CHD7: variants seen among roughly 807,000 people sequenced by gnomAD.
CHD7 encodes chromodomain helicase DNA binding protein 7.
Under a neutral mutation model 307.3 loss-of-function variants are expected in CHD7, and 24 were observed. The ratio of observed to expected loss-of-function variants is 0.08; its 90% CI spans 0.06 to 0.11. The LOEUF (loss-of-function observed/expected upper bound fraction) is 0.11. Ranked by LOEUF, CHD7 falls within the 10% of genes least tolerant of loss-of-function variation. CHD7 has a pLI of 1.00. For missense variants in CHD7, 3,106 were observed against 3,727.1 expected, an observed-to-expected ratio of 0.83 and a Z score of 4.34; for synonymous variants, 1,363 against 1,349.9, an observed-to-expected ratio of 1.01 and a Z score of -0.21.
chr8:60,680,441 G>T (rs1198105574), intron 1 of CHD7, among the ~76,000 whole-genome samples: 1 of 143,710 alleles, frequency 7.0e-6, no homozygotes, highest in Non-Finnish European at 1.5e-5. Context: ...GCTCCCGGGC[G>T]GGGGTGGGGG....
chr8:60,739,599 A>C (rs560478409), intron 1 of CHD7, among the ~76,000 whole-genome samples: 1 of 152,270 alleles, frequency 6.6e-6, no homozygotes, highest in South Asian at 2.1e-4. Flanking sequence ...GAGTGAAGAG[A>C]CCTTTGACTT....
At chr8:60,685,363 T>C (rs1805830455) in intron 1 of CHD7, among the ~76,000 whole-genome samples, 1 of 152,228 alleles carries the variant, frequency 6.6e-6, no homozygotes, top group African/African-American at 2.4e-5. Context: ...GCCTGATACA[T>C]AGCACTTTGT....
chr8:60,764,619 C>T (rs1035664568), intron 2 of CHD7, among the ~76,000 whole-genome samples: 1 of 152,198 alleles, frequency 6.6e-6, no homozygotes, highest in African/African-American at 2.4e-5. Flanking sequence ...TCCATCTATT[C>T]AGCCATTCAT....
In CHD7 at chr8:60,865,897, G is replaced by A. The variant is rs1241864519; in HGVS notation, c.8958G>A (p.Gly2986=). ...GTGAAGAGCTAGACTCACTTGATGG[G>A]GGGGATGAAATAGAAAACAATGAAA... The part of the protein sequence containing the change: ...AQGEELDSLD[G]GDEIENNEND... Residue 2986 remains glycine, a synonymous_variant, in exon 38 of 38, where the codon GGG becomes GGA. Coordinates refer to ENST00000423902, the MANE Select transcript of CHD7 (RefSeq NM_017780.4). The surrounding 1 kb of genome is among the most constrained non-coding windows in gnomAD (Gnocchi z 4.3). The A allele has an allele frequency of 5.6e-6, 9 of 1,609,064 alleles. No homozygotes were observed. The highest frequency in any genetic ancestry group is 7.6e-6 in the Non-Finnish European group (9 of 1,177,604).
chr8:60,724,013 A>G (rs1414161729), intron 1 of CHD7, among the ~76,000 whole-genome samples: 1 of 152,194 alleles, frequency 6.6e-6, no homozygotes, highest in African/African-American at 2.4e-5. Flanking sequence ...GCCTTGAACA[A>G]AGCATTTGCC....
chr8:60,742,925 G>A lies in CHD7; in HGVS notation c.1493G>A (p.Gly498Asp), dbSNP rs547298242. Residue 498 changes from glycine (G) to aspartate (D), a missense_variant, in exon 2 of 38, where the codon GGC becomes GAC. Gly to Asp is a moderately conservative substitution (Grantham distance 94). Around this residue, in one of 10 missense-constraint regions of CHD7, gnomAD observed 998 missense variants for 1,004.5 expected, o/e 0.99. Transcript: ENST00000423902. Reference sequence around the variant, plus strand: ...GCAATCCAGGAACGACTGATACCTGGCCAACAACATCCTGGTCAACAGCCA... The same window carrying A: ...GCAATCCAGGAACGACTGATACCTGACCAACAACATCCTGGTCAACAGCCA... ...PQAIQERLIPGQQHPGQQPSF... is the reference protein window; with the variant it reads ...PQAIQERLIPDQQHPGQQPSF... 3.7e-6 allele frequency: 6 copies of A among 1,613,006 alleles called. No homozygotes were observed. The highest frequency in any genetic ancestry group is 5.1e-6 in the Non-Finnish European group (6 of 1,179,434).
rs369794936 is a variant in CHD7 at position 60,722,308 on chromosome 8, C to T, written c.-174-18951C>T. On this transcript the variant is annotated intron_variant, in intron 1 of 37. Transcript: ENST00000423902. Reference sequence around the variant, plus strand: ...AAATTACTGAGTTTCTAGTTCTACTCCATGGGTACGATTGTGGTCATGCTT... The same window carrying T: ...AAATTACTGAGTTTCTAGTTCTACTTCATGGGTACGATTGTGGTCATGCTT... Among the ~76,000 whole-genome samples, 252 of 152,306 alleles carry T rather than the reference C, an allele frequency of 1.7e-3. 5 individuals carry two copies. In the South Asian group the frequency reaches 0.051, roughly 31 times the overall value.
At chr8:60,797,275 A>AT (rs1168970226) in intron 4 of CHD7, among the ~76,000 whole-genome samples, 2 of 152,372 alleles carry the variant, frequency 1.3e-5, no homozygotes, top group East Asian at 3.9e-4. Context: ...AACATTAAAA[A>AT]TTTTTATCAA....
intron 7 of CHD7, among the ~76,000 whole-genome samples, chr8:60,810,380 A>AGAGTGTGT (rs534826288): frequency 0.037 from 5,445 of 145,986 alleles, 140 homozygotes; most frequent in Non-Finnish European, 0.059. Flanking sequence ...AGAGAGAGAG[A>AGAGTGTGT]GTGTGTGTGT....
intron 1 of CHD7, among the ~76,000 whole-genome samples, chr8:60,690,337 T>G (rs1450968094): frequency 6.6e-6 from 1 of 152,232 alleles, no homozygotes; most frequent in Non-Finnish European, 1.5e-5. Flanking sequence ...TTGAGTATGG[T>G]AAGCCTCTAC....
chr8:60,816,267 C>A, intron 7 of CHD7, 120 bp from the exon 8 acceptor site: 1 of 627,500 alleles, frequency 1.6e-6, no homozygotes, highest in Non-Finnish European at 2.8e-6. Flanking sequence ...TGCTCAGCAG[C>A]CTTAATGGGT....
chr8:60,713,601 A>C (rs1563536234), intron 1 of CHD7, among the ~76,000 whole-genome samples: 1 of 152,168 alleles, frequency 6.6e-6, no homozygotes, highest in Non-Finnish European at 1.5e-5. Context: ...ACAGGGTCAA[A>C]ACATTATTTT....
At chr8:60,818,877 C>CACAT (rs1803882313) in intron 8 of CHD7, among the ~76,000 whole-genome samples, 1 of 152,190 alleles carries the variant, frequency 6.6e-6, no homozygotes, top group Admixed American at 6.5e-5. Context: ...TTGAGAGGTG[C>CACAT]ACATAATAAA....
At chr8:60,688,473 A>C (rs889861500) in intron 1 of CHD7, among the ~76,000 whole-genome samples, 7 of 152,240 alleles carry the variant, frequency 4.6e-5, no homozygotes, top group Non-Finnish European at 7.3e-5. Context: ...TGAGTGGCCT[A>C]AAATGGTGAC....
At chr8:60,721,938 C>G (rs938397331) in intron 1 of CHD7, among the ~76,000 whole-genome samples, 1 of 152,142 alleles carries the variant, frequency 6.6e-6, no homozygotes, top group African/African-American at 2.4e-5. Flanking sequence ...CTTTTTAGGT[C>G]CTCCTGCTCT....
At chr8:60,766,321 G>A (rs1261535275) in intron 2 of CHD7, among the ~76,000 whole-genome samples, 1 of 152,204 alleles carries the variant, frequency 6.6e-6, no homozygotes, top group Non-Finnish European at 1.5e-5. Flanking sequence ...TGTTAGGGAG[G>A]TAGCAGAGGT....
intron 2 of CHD7, among the ~76,000 whole-genome samples, chr8:60,763,327 G>C (rs74588976): frequency 0.023 from 3,473 of 152,188 alleles, 146 homozygotes; most frequent in African/African-American, 0.08. Context: ...TGTACTTGTA[G>C]CACATCTCAG....
At position 60,860,848 on chromosome 8, in the gene CHD7, A is replaced by C. The variant is rs141038824; in HGVS notation, c.7609-56A>C. 4.9e-5 allele frequency: 64 copies of C among 1,307,278 alleles called. No individual in the cohort carries two copies. The African/African-American group carries it at 8.6e-4, about 17-fold the overall frequency. 81.0% of individuals were successfully genotyped at this position (1,307,278 alleles called of 1,614,324 possible). On this transcript the variant is annotated intron_variant, in intron 34 of 37. Transcript: ENST00000423902. Reference sequence around the variant, plus strand: ...GGATAGCGTTTTCTTGAAATAGGACATTGTCAGAGGCTCTCTCTTCGTGTG... The same window carrying C: ...GGATAGCGTTTTCTTGAAATAGGACCTTGTCAGAGGCTCTCTCTTCGTGTG...
In CHD7 at chr8:60,698,283, G is replaced by A. The variant is rs75751168; in HGVS notation, c.-175+19201G>A. On this transcript the variant is annotated intron_variant, in intron 1 of 37. Transcript: ENST00000423902. ...AGGACCCCCTTTACCTTTCTGTATCGAGGATAATTTGAGAGGATTTTTGCG... is the reference window on the plus strand; with the variant it reads ...AGGACCCCCTTTACCTTTCTGTATCAAGGATAATTTGAGAGGATTTTTGCG... 8.1e-3 allele frequency among the ~76,000 whole-genome samples: 1,236 copies of A among 152,288 alleles called. 7 individuals carry two copies. Among genetic ancestry groups the A allele is most frequent in the Non-Finnish European group, 0.014 (932 of 68,020 alleles).
Sources: gnomAD v4.1 joint callset for allele counts (sites outside exome capture counted in the v4.1 genomes callset) on GRCh38, gnomAD v4.1.1 for gene constraint, gnomAD v4.1.1 regional missense constraint, Gnocchi (gnomAD v3.1) non-coding constraint, MANE v1.5 for transcripts, NCBI Gene and HGNC (gene_info 2026-07-23, HGNC 2026-07-21) for gene names.